TRAM2: variants seen among roughly 807,000 people sequenced by gnomAD.
TRAM2 encodes translocation associated membrane protein 2, also known as translocating chain-associated membrane protein 2.
A neutral mutation model predicts 51.0 loss-of-function variants in TRAM2; 12 were observed. The ratio of observed to expected loss-of-function variants is 0.24; its 90% CI spans 0.15 to 0.38. TRAM2 has a LOEUF of 0.38. TRAM2 is among the 10% of genes least tolerant of loss of function. TRAM2 has a pLI of 1.00. For missense variants in TRAM2, 361 were observed against 462.0 expected, an observed-to-expected ratio of 0.78 and a Z score of 2.00; for synonymous variants, 175 against 179.4, an observed-to-expected ratio of 0.98 and a Z score of 0.20.
Position 52,508,364 on chromosome 6 carries a change from T to A in TRAM2, c.471-46A>T, listed in dbSNP as rs115845135. 1,878 of 1,576,130 alleles carry A rather than the reference T, an allele frequency of 1.2e-3. 22 individuals carry two copies. The African/African-American group carries it at 0.022, about 18-fold the overall frequency. On this transcript the variant is annotated intron_variant, in intron 5 of 10. Coordinates refer to ENST00000182527, the MANE Select transcript of TRAM2 (RefSeq NM_012288.4). ...CACACGGGCAGGATAGAGAAAAGTG[T>A]CCCTGCAGGTGCTGGCCAAGCACAG...
intron 1 of TRAM2, among the ~76,000 whole-genome samples, chr6:52,554,667 A>G (rs1179928631): frequency 6.6e-6 from 1 of 151,990 alleles, no homozygotes; most frequent in East Asian, 1.9e-4. Context: ...TCAAATTTTC[A>G]CCATTTCAAC....
At position 52,542,401 on chromosome 6, in the gene TRAM2, G is replaced by A. The variant is rs1188854773; in HGVS notation, c.121-6555C>T. On this transcript the variant is annotated intron_variant, in intron 1 of 10. Transcript: ENST00000182527. Reference sequence around the variant, plus strand: ...TGGGTTTGCAGCCCCTCCACTGCTCGATAAAAGGCAGATACAGCTGAAACA... The same window carrying A: ...TGGGTTTGCAGCCCCTCCACTGCTCAATAAAAGGCAGATACAGCTGAAACA... Among the ~76,000 whole-genome samples, 4 of 151,980 alleles carry A rather than the reference G, an allele frequency of 2.6e-5. No homozygotes were observed. In the East Asian group the frequency reaches 5.8e-4, roughly 22 times the overall value.
chr6:52,508,345 G>A, intron 5 of TRAM2, 27 bp from the exon 6 acceptor site: 1 of 1,608,550 alleles, frequency 6.2e-7, no homozygotes, highest in South Asian at 1.1e-5. Context: ...AAGTCACACG[G>A]GCAGGATAGA....
At chr6:52,506,187 G>A (rs1766347081) in intron 7 of TRAM2, 51 bp from the exon 8 acceptor site, 3 of 1,550,964 alleles carry the variant, frequency 1.9e-6, no homozygotes, top group Non-Finnish European at 1.8e-6. Flanking sequence ...GCTGCGTGGA[G>A]CAGAAGCCAT....
At chr6:52,507,693 T>A in intron 6 of TRAM2, 70 bp from the exon 7 acceptor site, 1 of 1,494,170 alleles carries the variant, frequency 6.7e-7, no homozygotes. Context: ...GGGGGAAAAG[T>A]GCAGGGGGAT....
chr6:52,508,098 C>T (rs1212840378), intron 6 of TRAM2, 136 bp downstream of exon 6: 2 of 771,476 alleles, frequency 2.6e-6, no homozygotes, highest in Non-Finnish European at 4.1e-6. Context: ...CAGCATGTTG[C>T]TCAATCCCCA....
chr6:52,505,796 T>A (rs1766337028), intron 8 of TRAM2, 54 bp from the exon 9 acceptor site: 1 of 1,549,046 alleles, frequency 6.5e-7, no homozygotes, highest in African/African-American at 1.4e-5. Context: ...TGAAGGAATC[T>A]TCACCCACTT....
chr6:52,570,200 C>G (rs2239616), intron 1 of TRAM2, among the ~76,000 whole-genome samples: 90,309 of 152,036 alleles, frequency 0.59, 27,546 homozygotes, highest in Admixed American at 0.68. Flanking sequence ...TTTTCTTACA[C>G]AGATGCTAGG....
intron 1 of TRAM2, among the ~76,000 whole-genome samples, chr6:52,561,329 C>CTGAA (rs1767496079): frequency 1.3e-5 from 2 of 152,232 alleles, no homozygotes; most frequent in African/African-American, 4.8e-5. Context: ...GTCACCCAGG[C>CTGAA]TGAAGTGCAG....
intron 7 of TRAM2, 115 bp downstream of exon 7, chr6:52,507,438 T>C (rs1366801621): frequency 6.8e-6 from 7 of 1,023,934 alleles, no homozygotes; most frequent in African/African-American, 4.8e-5. Context: ...AGTCTTAGCA[T>C]AGTGCTAGGC....
At chr6:52,534,705 G>C (rs1176065482) in intron 2 of TRAM2, among the ~76,000 whole-genome samples, 1 of 152,166 alleles carries the variant, frequency 6.6e-6, no homozygotes, top group African/African-American at 2.4e-5. Flanking sequence ...TCTTTTGTAG[G>C]GGGTGGAAAA....
chr6:52,541,870 C>A (rs2114091017), intron 1 of TRAM2, among the ~76,000 whole-genome samples: 1 of 148,664 alleles, frequency 6.7e-6, no homozygotes, highest in East Asian at 2.0e-4. Flanking sequence ...GGCAGACCAG[C>A]CCCCGGGGGC....
rs150739391 is a variant in TRAM2 at position 52,550,994 on chromosome 6, A to G, written c.121-15148T>C. Among the ~76,000 whole-genome samples, 29 of 152,374 alleles carry G rather than the reference A, an allele frequency of 1.9e-4. No homozygotes were observed. In the East Asian group the frequency reaches 5.6e-3, roughly 29 times the overall value. On this transcript the variant is annotated intron_variant, in intron 1 of 10. Coordinates refer to ENST00000182527, the MANE Select transcript of TRAM2 (RefSeq NM_012288.4). ...GCCATCTAATTTCCAAAGGACCAAC[A>G]GTGTTGATAACCCACTTCAGAAATG... is the stretch of plus-strand genomic sequence containing the variant.
intron 1 of TRAM2, among the ~76,000 whole-genome samples, chr6:52,564,207 A>C (rs1339146077): frequency 6.6e-6 from 1 of 152,126 alleles, no homozygotes; most frequent in Non-Finnish European, 1.5e-5. Flanking sequence ...TGGGTCATGG[A>C]GGGATGGCTC....
In TRAM2 at chr6:52,499,312, T is replaced by G. The variant is rs1034977313; in HGVS notation, c.*3885A>C. ...ACTCAAAAGCTTTCAGCACTCCCTC[T>G]GTTAGAGGAGAGAGCTTAGAACATC... is the stretch of plus-strand genomic sequence containing the variant. On this transcript the variant is annotated 3_prime_UTR_variant, in exon 11 of 11. Coordinates refer to ENST00000182527, the MANE Select transcript of TRAM2 (RefSeq NM_012288.4). 1.3e-5 allele frequency: 2 copies of G among 152,148 alleles called. No individual in the cohort carries two copies. The highest frequency in any genetic ancestry group is 2.9e-5 in the Non-Finnish European group (2 of 68,046). 9.4% of individuals were successfully genotyped at this position (152,148 alleles called of 1,614,324 possible). A position where few individuals can be genotyped will look rare whatever the true frequency, so the allele number is the denominator to read the frequency against.
rs775348553 is a variant in TRAM2, at chr6:52,516,755, G to A, written c.185-18C>T. ...CTCACTGTCTGTGGAGGTAATAAAA[G>A]TCCCATCAGCATCCCTGGGGGAAGG... On this transcript the variant is annotated intron_variant, in intron 2 of 10. Coordinates refer to ENST00000182527, the MANE Select transcript of TRAM2 (RefSeq NM_012288.4). The A allele has an allele frequency of 1.3e-6, 2 of 1,586,970 alleles. No homozygotes were observed. The highest frequency in any genetic ancestry group is 3.3e-5 in the Admixed American group (2 of 59,966).
intron 4 of TRAM2, among the ~76,000 whole-genome samples, chr6:52,511,532 C>T (rs1766451895): frequency 6.6e-6 from 1 of 152,186 alleles, no homozygotes; most frequent in African/African-American, 2.4e-5. Context: ...CTGAGAACCT[C>T]AGATGTTCAC....
At chr6:52,547,246 G>A (rs1767220685) in intron 1 of TRAM2, among the ~76,000 whole-genome samples, 1 of 152,108 alleles carries the variant, frequency 6.6e-6, no homozygotes, top group Admixed American at 6.5e-5. Context: ...AAAAACAAGG[G>A]GGCCTAGAGA....
chr6:52,511,210 T>C (rs115505280), intron 4 of TRAM2, among the ~76,000 whole-genome samples: 1 of 152,312 alleles, frequency 6.6e-6, no homozygotes, highest in East Asian at 1.9e-4. Flanking sequence ...TTCAAGCGAT[T>C]CTCCCGCCTC....
Sources: allele counts gnomAD v4.1 joint callset (sites outside exome capture counted in the v4.1 genomes callset), GRCh38; gene constraint gnomAD v4.1.1; transcripts MANE v1.5; gene names NCBI Gene and HGNC (gene_info 2026-07-23, HGNC 2026-07-21).